The following FMNL2 variants were observed in gnomAD, a reference collection of about 807,000 sequenced individuals.
FMNL2 encodes the protein formin like 2, also known as formin-like protein 2.
In FMNL2, 51 loss-of-function variants were observed where a neutral mutation model predicts 130.2. The ratio of observed to expected loss-of-function variants is 0.39; its 90% CI spans 0.31 to 0.49. The LOEUF is 0.49. FMNL2 is among the 20% of genes least tolerant of loss of function. The pLI is 0.85. For synonymous variants in FMNL2, 465 were observed against 467.1 expected, an observed-to-expected ratio of 1.00 and a Z score of 0.06; for missense variants, 977 against 1,316.2, an observed-to-expected ratio of 0.74 and a Z score of 3.99.
At chr2:152,591,480 C>G (rs1044143238) in intron 9 of FMNL2, among the ~76,000 whole-genome samples, 8 of 152,184 alleles carry the variant, frequency 5.3e-5, no homozygotes, top group Non-Finnish European at 1.0e-4. Flanking sequence ...TACAGTGACC[C>G]CGTTACAGGG....
chr2:152,428,351 G>A (rs1265265429), intron 1 of FMNL2, among the ~76,000 whole-genome samples: 1 of 152,162 alleles, frequency 6.6e-6, no homozygotes, highest in African/African-American at 2.4e-5. Context: ...ATTATTTTAT[G>A]TACAGATTTA....
chr2:152,368,858 G>A (rs770165331), intron 1 of FMNL2, among the ~76,000 whole-genome samples: 6 of 152,060 alleles, frequency 3.9e-5, no homozygotes, highest in Non-Finnish European at 7.4e-5. Context: ...GACTTTTGAA[G>A]GTCAGACTTT....
chr2:152,561,698 C>T (rs986710148), intron 6 of FMNL2, among the ~76,000 whole-genome samples: 2 of 152,036 alleles, frequency 1.3e-5, no homozygotes, highest in Admixed American at 6.6e-5. Context: ...CTCAGCCTCC[C>T]AACTGGCTGG....
intron 1 of FMNL2, among the ~76,000 whole-genome samples, chr2:152,368,478 T>TA (rs1683693853): frequency 6.6e-6 from 1 of 151,698 alleles, no homozygotes. Flanking sequence ...TTTTTTTTTT[T>TA]AAGCAGTAAA....
chr2:152,361,250 C>A (rs1006490560), intron 1 of FMNL2, among the ~76,000 whole-genome samples: 6 of 152,004 alleles, frequency 3.9e-5, no homozygotes, highest in Admixed American at 6.6e-5. Context: ...TGATAATAAT[C>A]AATTTTTACA....
chr2:152,348,761 A>G (rs996614633), intron 1 of FMNL2, among the ~76,000 whole-genome samples: 1 of 144,232 alleles, frequency 6.9e-6, no homozygotes, highest in Admixed American at 6.9e-5. Flanking sequence ...TTGTTTTGGC[A>G]TGTTAGTGCT....
At chr2:152,634,130 A>T (rs1299281050) in intron 21 of FMNL2, among the ~76,000 whole-genome samples, 1 of 152,188 alleles carries the variant, frequency 6.6e-6, no homozygotes, top group Non-Finnish European at 1.5e-5. Context: ...CAATCATTAT[A>T]ACTAGGCTCA....
At chr2:152,430,615 G>T (rs1005914891) in intron 1 of FMNL2, among the ~76,000 whole-genome samples, 1 of 152,196 alleles carries the variant, frequency 6.6e-6, no homozygotes, top group Non-Finnish European at 1.5e-5. Flanking sequence ...GCTCACGCCT[G>T]TAATCCTAGC....
chr2:152,375,850 G>GCGCTCTCT (rs1553871974), intron 1 of FMNL2, among the ~76,000 whole-genome samples: 1 of 100,602 alleles, frequency 9.9e-6, no homozygotes, highest in African/African-American at 3.7e-5. Flanking sequence ...AGCCATTGAA[G>GCGCTCTCT]CTCTCTCTCT....
intron 1 of FMNL2, among the ~76,000 whole-genome samples, chr2:152,373,479 G>A (rs1395578890): frequency 1.3e-5 from 2 of 152,156 alleles, no homozygotes; most frequent in African/African-American, 4.8e-5. Context: ...TTGGGTTCTG[G>A]GGGATTGGTC....
At chr2:152,403,222 GAA>G (rs58474447) in intron 1 of FMNL2, among the ~76,000 whole-genome samples, 21 of 116,704 alleles carry the variant, frequency 1.8e-4, no homozygotes, top group African/African-American at 4.2e-4. Context: ...ACTGTAAACT[GAA>G]AAAAAAAAAA....
intron 1 of FMNL2, among the ~76,000 whole-genome samples, chr2:152,451,997 A>T (rs2105071617): frequency 6.6e-6 from 1 of 152,302 alleles, no homozygotes; most frequent in South Asian, 2.1e-4. Flanking sequence ...CTTGATCTGA[A>T]GTCTGGGAGC....
chr2:152,372,346 G>A (rs72863407), intron 1 of FMNL2, among the ~76,000 whole-genome samples: 2 of 152,146 alleles, frequency 1.3e-5, no homozygotes, highest in Admixed American at 1.3e-4. Flanking sequence ...TATATGGAAG[G>A]TTCTTTTGGA....
intron 25 of FMNL2, chr2:152,645,449 A>G (rs1317077524): frequency 5.4e-6 from 7 of 1,289,758 alleles, no homozygotes; most frequent in African/African-American, 1.5e-5. Context: ...AAGAAGAATA[A>G]TATCACTAAA....
intron 2 of FMNL2, among the ~76,000 whole-genome samples, chr2:152,538,083 T>C (rs944411068): frequency 3.9e-5 from 6 of 152,150 alleles, no homozygotes; most frequent in African/African-American, 1.4e-4. Flanking sequence ...AAACAAAAAG[T>C]ACTGCCCCAC....
intron 1 of FMNL2, among the ~76,000 whole-genome samples, chr2:152,400,853 G>A (rs1483097069): frequency 6.6e-6 from 1 of 152,184 alleles, no homozygotes; most frequent in Admixed American, 6.5e-5. Context: ...ACCCATAGTT[G>A]AGCCCCACTG....
chr2:152,607,019 T>TTTG (rs1698407165), intron 9 of FMNL2, among the ~76,000 whole-genome samples: 1 of 146,058 alleles, frequency 6.8e-6, no homozygotes, highest in Non-Finnish European at 1.5e-5. Flanking sequence ...TTTTTTTTTT[T>TTTG]TTTTTACCAT....
At chr2:152,539,221 T>A (rs1694170348) in intron 2 of FMNL2, 2 of 152,244 alleles carry the variant, frequency 1.3e-5, no homozygotes, top group African/African-American at 2.4e-5. Flanking sequence ...AAAGTCTTGG[T>A]GATCTTGCTC....
At chr2:152,604,529 C>T (rs943174128) in intron 9 of FMNL2, among the ~76,000 whole-genome samples, 3 of 143,628 alleles carry the variant, frequency 2.1e-5, no homozygotes, top group Non-Finnish European at 4.7e-5. Context: ...TAGCTCTCCC[C>T]GAATTCAGGA....
Sources: gnomAD v4.1 joint callset for allele counts (sites outside exome capture counted in the v4.1 genomes callset) on GRCh38, gnomAD v4.1.1 for gene constraint, MANE v1.5 for transcripts, NCBI Gene and HGNC (gene_info 2026-07-23, HGNC 2026-07-21) for gene names.